Variants in MICU2 observed in about 807,000 individuals in gnomAD.
The protein encoded by MICU2 is mitochondrial calcium uptake 2, also known as calcium uptake protein 2, mitochondrial.
A neutral mutation model predicts 60.4 loss-of-function variants in MICU2; 64 were observed. The observed-to-expected ratio is 1.06, with a 90% CI of 0.87 to 1.31. MICU2 has a LOEUF of 1.31. Among genes scored for constraint, MICU2 ranks in the 50% most tolerant of loss-of-function variants. The pLI is 0.00. For synonymous variants in MICU2, 201 were observed against 175.0 expected (o/e 1.15, Z -1.17); for missense variants, 569 against 531.0 (o/e 1.07, Z -0.70).
At chr13:21,586,686 T>C (rs1888465892) in intron 1 of MICU2, among the ~76,000 whole-genome samples, 2 of 152,100 alleles carry the variant, frequency 1.3e-5, no homozygotes, top group Admixed American at 6.5e-5. Context: ...ACTGGGATTA[T>C]AGGAGGGAGC....
intron 6 of MICU2, among the ~76,000 whole-genome samples, chr13:21,517,789 ACACACACACACGCG>A (rs1191632943): frequency 6.2e-5 from 6 of 96,090 alleles, no homozygotes; most frequent in African/African-American, 1.2e-4. Context: ...ACACACACAC[ACACACACACACGCG>A]CGCGCGCGCG....
At chr13:21,600,192 G>C (rs1216597785) in intron 1 of MICU2, among the ~76,000 whole-genome samples, 1 of 152,142 alleles carries the variant, frequency 6.6e-6, no homozygotes, top group Non-Finnish European at 1.5e-5. Flanking sequence ...CATGGCTTAT[G>C]GGACACTTAA....
intron 9 of MICU2, among the ~76,000 whole-genome samples, chr13:21,500,221 G>C (rs1167232870): frequency 6.6e-6 from 1 of 152,094 alleles, no homozygotes; most frequent in Non-Finnish European, 1.5e-5. Flanking sequence ...GCTACATTAC[G>C]ATAATAAAAT....
chr13:21,602,697 T>C (rs1888852328), intron 1 of MICU2: 1 of 152,204 alleles, frequency 6.6e-6, no homozygotes, highest in African/African-American at 2.4e-5. Flanking sequence ...TAATGTATGT[T>C]AATACAAATA....
intron 1 of MICU2, among the ~76,000 whole-genome samples, chr13:21,587,512 A>G (rs1167349438): frequency 6.6e-6 from 1 of 152,244 alleles, no homozygotes; most frequent in Non-Finnish European, 1.5e-5. Context: ...ATGAGGAAAC[A>G]TTAACCAAAC....
At chr13:21,497,436 C>T (rs1400087788) in intron 9 of MICU2, among the ~76,000 whole-genome samples, 2 of 152,000 alleles carry the variant, frequency 1.3e-5, no homozygotes, top group South Asian at 2.1e-4. Context: ...AAGCTGGGTA[C>T]GGTGGTTCCT....
intron 1 of MICU2, among the ~76,000 whole-genome samples, chr13:21,575,641 G>T (rs966685275): frequency 2.1e-4 from 30 of 144,710 alleles, no homozygotes; most frequent in African/African-American, 7.7e-4. Flanking sequence ...GAGGTGGGAG[G>T]ATCGCTTGAG....
At chr13:21,531,213 A>G in intron 4 of MICU2, 1 of 1,007,876 alleles carries the variant, frequency 9.9e-7, no homozygotes, top group Non-Finnish European at 1.6e-6. Context: ...GTTATGTGAG[A>G]TCCTAGCTCA....
rs185090235 is a variant in MICU2, at chr13:21,505,340, G to C, written c.762-2243C>G. ...AAACACAACAAAATCAGAAGGCACT[G>C]ATGCAGGGCGGGTAAATGCCATCAG... On this transcript the variant is annotated intron_variant, in intron 8 of 11. Coordinates refer to ENST00000382374, the MANE Select transcript of MICU2 (RefSeq NM_152726.3). 2.8e-3 allele frequency among the ~76,000 whole-genome samples: 433 copies of C among 152,294 alleles called. 7 individuals carry two copies. Among genetic ancestry groups the C allele is most frequent in the Middle Eastern group, 0.01 (3 of 294 alleles).
intron 1 of MICU2, among the ~76,000 whole-genome samples, chr13:21,570,088 C>G (rs529930779): frequency 6.6e-6 from 1 of 152,322 alleles, no homozygotes; most frequent in South Asian, 2.1e-4. Context: ...AGTCCCTGGG[C>G]TAACTGTTGT....
intron 2 of MICU2, among the ~76,000 whole-genome samples, chr13:21,553,553 C>T (rs1289435830): frequency 6.6e-6 from 1 of 152,130 alleles, no homozygotes; most frequent in African/African-American, 2.4e-5. Context: ...TGGAAAGGAA[C>T]AACTGGTACC....
At chr13:21,594,046 T>C (rs1888641474) in intron 1 of MICU2, among the ~76,000 whole-genome samples, 1 of 152,070 alleles carries the variant, frequency 6.6e-6, no homozygotes, top group Admixed American at 6.5e-5. Flanking sequence ...CTAATTAAAG[T>C]AAAGAGCTTC....
intron 1 of MICU2, among the ~76,000 whole-genome samples, chr13:21,603,080 T>C (rs1295856120): frequency 6.7e-6 from 1 of 150,238 alleles, no homozygotes; most frequent in Non-Finnish European, 1.5e-5. Flanking sequence ...GCGGTTCTCC[T>C]ACTTCAGCCT....
rs552400377 is a variant in MICU2 at position 21,493,087 on chromosome 13, T to C, written c.*162A>G. On this transcript the variant is annotated 3_prime_UTR_variant, in exon 12 of 12. Transcript: ENST00000382374. ...TTTTTATACTTACTTTTCTTTCTAC[T>C]AAGTTCTTTAATAAAATTATGAATC... 1.2e-4 allele frequency: 58 copies of C among 475,894 alleles called. No individual in the cohort carries two copies. In the East Asian group the frequency reaches 2.0e-3, roughly 17 times the overall value. 29.5% of individuals were successfully genotyped at this position (475,894 alleles called of 1,614,324 possible).
intron 4 of MICU2, among the ~76,000 whole-genome samples, chr13:21,537,746 C>T (rs953567473): frequency 2.0e-5 from 3 of 152,126 alleles, no homozygotes; most frequent in Non-Finnish European, 4.4e-5. Context: ...TCCCAAAGTG[C>T]TGGGATTACA....
intron 2 of MICU2, among the ~76,000 whole-genome samples, chr13:21,549,182 G>A (rs1160577850): frequency 3.3e-5 from 5 of 152,068 alleles, no homozygotes; most frequent in South Asian, 2.1e-4. Flanking sequence ...GCCCGCCTTG[G>A]CCTCCCAACG....
At position 21,566,782 on chromosome 13, in the gene MICU2, A is replaced by G; in HGVS notation, c.358+15T>C. ...TCTGATTTTTTTAATTAAAAAAAAA[A>G]AAGACCCAACTCACGTTCCATTTGC... On this transcript the variant is annotated intron_variant, in intron 2 of 11. Coordinates refer to ENST00000382374, the MANE Select transcript of MICU2 (RefSeq NM_152726.3). The G allele has an allele frequency of 6.6e-7, 1 of 1,524,942 alleles. No homozygotes were observed. The highest frequency in any genetic ancestry group is 1.3e-5 in the South Asian group (1 of 77,828). 94.5% of individuals were successfully genotyped at this position (1,524,942 alleles called of 1,614,324 possible). A position where few individuals can be genotyped will look rare whatever the true frequency, so the allele number is the denominator to read the frequency against.
intron 2 of MICU2, among the ~76,000 whole-genome samples, chr13:21,544,515 T>A (rs371379901): frequency 4.9e-3 from 18 of 3,660 alleles, no homozygotes; most frequent in East Asian, 0.015. Flanking sequence ...AATAAACACA[T>A]GAAAAAAAAA....
intron 7 of MICU2, among the ~76,000 whole-genome samples, chr13:21,513,049 T>C (rs892759939): frequency 6.7e-6 from 1 of 150,324 alleles, no homozygotes; most frequent in Non-Finnish European, 1.5e-5. Context: ...TATATACACA[T>C]GACTGATTTT....
Sources: allele counts gnomAD v4.1 joint callset (sites outside exome capture counted in the v4.1 genomes callset), GRCh38; gene constraint gnomAD v4.1.1; transcripts MANE v1.5; gene names NCBI Gene and HGNC (gene_info 2026-07-23, HGNC 2026-07-21).